Variants in SAFB observed in about 807,000 individuals in gnomAD.
SAFB encodes the protein scaffold attachment factor B, also known as scaffold attachment factor B1.
In SAFB, 15 loss-of-function variants were observed where a neutral mutation model predicts 101.6. The observed-to-expected ratio is 0.15, with a 90% confidence interval of 0.10 to 0.23. The LOEUF is 0.23. SAFB is among the 10% of genes least tolerant of loss of function. The pLI, the probability that SAFB is intolerant of heterozygous loss-of-function variation, is 1.00. For missense variants in SAFB, 930 were observed against 1,104.1 expected (o/e 0.84, Z 2.23); for synonymous variants, 449 against 407.5 (o/e 1.10, Z -1.23).
Position 5,625,099 on chromosome 19 carries a change from G to T in SAFB, c.190-1306G>T, listed in dbSNP as rs1476007335. Among the ~76,000 whole-genome samples, 4 of 152,238 alleles carry T rather than the reference G, an allele frequency of 2.6e-5. No individual in the cohort carries two copies. The East Asian group carries it at 7.7e-4, about 29-fold the overall frequency. On this transcript the variant is annotated intron_variant, in intron 1 of 20. Coordinates refer to ENST00000588852, the MANE Select transcript of SAFB (RefSeq NM_001201338.2). The stretch of plus-strand genomic sequence containing the variant: ...TTCTCCTTTTCATTTTCTTCAAGAT[G>T]TGGTCCCAAAACACGAATACCGCCA...
At chr19:5,662,707 C>G (rs1200375060) in intron 15 of SAFB, among the ~76,000 whole-genome samples, 1 of 149,290 alleles carries the variant, frequency 6.7e-6, no homozygotes, top group Non-Finnish European at 1.5e-5. Flanking sequence ...ATGGCGCGAT[C>G]GCTGCTCACT....
chr19:5,654,050 G>GT lies in SAFB; in HGVS notation c.1527-5dup. The GT allele has an allele frequency of 6.2e-7, 1 of 1,613,694 alleles. No individual in the cohort carries two copies. The highest frequency in any genetic ancestry group is 8.5e-7 in the Non-Finnish European group (1 of 1,179,816). ...GCCACCACGCCCAGCCAACATGTCTGTTTTTTATAGATCTACAAACCTTAA... is the reference window on the plus strand; with the variant it reads ...GCCACCACGCCCAGCCAACATGTCTGTTTTTTTATAGATCTACAAACCTTAA... On this transcript the variant is annotated splice_polypyrimidine_tract_variant and intron_variant, in intron 11 of 20. Coordinates refer to ENST00000588852, the MANE Select transcript of SAFB (RefSeq NM_001201338.2).
chr19:5,644,445 G>GT (rs2053784371), intron 4 of SAFB, among the ~76,000 whole-genome samples: 1 of 152,148 alleles, frequency 6.6e-6, no homozygotes, highest in Non-Finnish European at 1.5e-5. Context: ...GCTGCCCCTG[G>GT]TGCAGATGTC....
intron 2 of SAFB, among the ~76,000 whole-genome samples, chr19:5,628,794 C>A (rs993554429): frequency 6.6e-6 from 1 of 152,188 alleles, no homozygotes; most frequent in African/African-American, 2.4e-5. Flanking sequence ...CTCAAGTATA[C>A]TTCTGCCAAG....
chr19:5,645,191 C>G, intron 4 of SAFB, 146 bp from the exon 5 acceptor site: 1 of 510,726 alleles, frequency 2.0e-6, no homozygotes, highest in Non-Finnish European at 3.5e-6. Context: ...TGCAATTATA[C>G]TATAATAGTG....
At position 5,667,284 on chromosome 19, in the gene SAFB, A is replaced by G. The variant is rs528298931; in HGVS notation, c.2454-63A>G. On this transcript the variant is annotated intron_variant, in intron 18 of 20. Transcript: ENST00000588852. This position sits in a 1 kb window ranked among gnomAD's most constrained non-coding sequence, Gnocchi z 4.0. ...AGGGATTCACTCTCCAGAAGCCGCC[A>G]CAGTTATTAGCACAAGAGCCAGAGA... 80 of 1,345,666 alleles carry G rather than the reference A, an allele frequency of 5.9e-5. No individual in the cohort carries two copies. The African/African-American group carries it at 1.0e-3, about 17-fold the overall frequency. The allele number at this position is 1,345,666 out of a possible 1,614,324, so 83.4% of individuals were successfully genotyped here.
chr19:5,641,790 T>C lies in SAFB; in HGVS notation c.390T>C (p.Asp130=), dbSNP rs762714662. 1.2e-6 allele frequency: 2 copies of C among 1,614,118 alleles called. No individual in the cohort carries two copies. Among genetic ancestry groups the C allele is most frequent in the Non-Finnish European group, 1.7e-6 (2 of 1,180,014 alleles). The change falls in exon 4 of 21, where the codon GAT becomes GAC. Residue 130 remains aspartate (D), a synonymous_variant. Transcript: ENST00000588852. ...LENLQDIDIM[D]ISVLDEAEID... The stretch of plus-strand genomic sequence containing the variant: ...ACTTGCAGGACATCGACATCATGGA[T>C]ATCAGTGTGTTGGATGAAGCAGAAA...
chr19:5,630,905 A>G (rs1028412435), intron 2 of SAFB, among the ~76,000 whole-genome samples: 38 of 152,258 alleles, frequency 2.5e-4, no homozygotes, highest in African/African-American at 8.9e-4. Flanking sequence ...AACATGAAAC[A>G]TTTAGGCTGG....
At chr19:5,662,287 C>G (rs530726180) in intron 15 of SAFB, among the ~76,000 whole-genome samples, 3 of 152,086 alleles carry the variant, frequency 2.0e-5, no homozygotes, top group African/African-American at 7.2e-5. Context: ...TGCCTTAGCT[C>G]AGGAGTTGAA....
chr19:5,658,713 G>T (rs990189459), intron 14 of SAFB, among the ~76,000 whole-genome samples: 1 of 151,920 alleles, frequency 6.6e-6, no homozygotes, highest in Non-Finnish European at 1.5e-5. Flanking sequence ...CGTGGTGGCG[G>T]GCGCCTGTAG....
chr19:5,653,192 A>C lies in SAFB; in HGVS notation c.1371A>C (p.Ala457=). The change falls in exon 10 of 21, where the codon GCA becomes GCC. Residue 457 remains alanine (A), a synonymous_variant. Coordinates refer to ENST00000588852, the MANE Select transcript of SAFB (RefSeq NM_001201338.2). ...RCYGFVTMST[A]EEATKCINHL... is the part of the protein sequence containing the mutation. The stretch of plus-strand genomic sequence containing the variant: ...ACGGTTTTGTCACGATGTCCACAGC[A>C]GAAGAGGCCACAAAATGCATTAACC... 1 of 1,614,182 alleles carries C rather than the reference A, an allele frequency of 6.2e-7. No homozygotes were observed. The highest frequency in any genetic ancestry group is 1.1e-5 in the South Asian group (1 of 91,090).
intron 13 of SAFB, among the ~76,000 whole-genome samples, chr19:5,656,219 C>G (rs1297103897): frequency 6.6e-6 from 1 of 152,028 alleles, no homozygotes; most frequent in Non-Finnish European, 1.5e-5. Context: ...TCCTGTTCCC[C>G]TATCACACCT....
chr19:5,624,687 A>AT (rs35651330), intron 1 of SAFB, among the ~76,000 whole-genome samples: 10,119 of 121,566 alleles, frequency 0.083, 393 homozygotes, highest in South Asian at 0.15. Flanking sequence ...AGAAGTAGGG[A>AT]TTTTTTTTTT....
chr19:5,627,993 G>A (rs571277306), intron 2 of SAFB, among the ~76,000 whole-genome samples: 53 of 152,312 alleles, frequency 3.5e-4, no homozygotes, highest in African/African-American at 1.3e-3. Flanking sequence ...GCTCACACCT[G>A]TAATGCCAGC....
chr19:5,663,968 T>A, intron 15 of SAFB, 54 bp from the exon 16 acceptor site: 1 of 1,579,584 alleles, frequency 6.3e-7, no homozygotes, highest in Non-Finnish European at 8.6e-7. Context: ...ACAAAGGTGA[T>A]AGATACATTT....
chr19:5,662,219 C>T (rs969404210), intron 15 of SAFB, among the ~76,000 whole-genome samples: 2 of 152,126 alleles, frequency 1.3e-5, no homozygotes, highest in African/African-American at 4.8e-5. Flanking sequence ...AAGCATAGGC[C>T]GGGTGCGCTA....
chr19:5,632,630 T>G (rs980860891), intron 2 of SAFB, among the ~76,000 whole-genome samples: 13 of 152,212 alleles, frequency 8.5e-5, no homozygotes, highest in East Asian at 3.8e-4. Flanking sequence ...TTACACTTAT[T>G]TTGTAGTTTA....
In SAFB at chr19:5,654,809, C is replaced by T. The variant is rs369267737; in HGVS notation, c.1755+353C>T. Among the ~76,000 whole-genome samples the T allele has an allele frequency of 4.6e-5, 7 of 152,204 alleles. No individual in the cohort carries two copies. The East Asian group carries it at 1.2e-3, about 25-fold the overall frequency. On this transcript the variant is annotated intron_variant, in intron 13 of 20. Transcript: ENST00000588852. ...CTCGAACTCCTCACCTCAGGTGATC[C>T]GCCCGCCTCGGCCTCCCAAAAGTGC... is the stretch of plus-strand genomic sequence containing the variant.
At chr19:5,631,483 C>T (rs2053488929) in intron 2 of SAFB, among the ~76,000 whole-genome samples, 1 of 152,154 alleles carries the variant, frequency 6.6e-6, no homozygotes, top group Non-Finnish European at 1.5e-5. Flanking sequence ...TTTTCAACTA[C>T]TTTATCAGTG....
Sources: allele counts gnomAD v4.1 joint callset (sites outside exome capture counted in the v4.1 genomes callset), GRCh38; gene constraint gnomAD v4.1.1; non-coding constraint Gnocchi (gnomAD v3.1); transcripts MANE v1.5; gene names NCBI Gene and HGNC (gene_info 2026-07-23, HGNC 2026-07-21).